RECQL: variants seen among roughly 807,000 people sequenced by gnomAD.
The protein encoded by RECQL is RecQ like helicase, also known as ATP-dependent DNA helicase Q1.
RECQL carries 73 observed loss-of-function variants against 75.8 expected under a neutral mutation model. That is an observed-to-expected ratio of 0.96 (90% CI 0.80 to 1.17). The LOEUF (loss-of-function observed/expected upper bound fraction) is 1.17, where lower values mean the gene tolerates loss of function less well. Ranked by LOEUF, RECQL falls within the 50% of genes most tolerant of loss-of-function variation. The pLI, the probability that RECQL is intolerant of heterozygous loss-of-function variation, is 0.00. For missense variants in RECQL, 699 were observed against 772.1 expected (o/e 0.91, Z 1.12); for synonymous variants, 248 against 254.4 (o/e 0.97, Z 0.24).
At chr12:21,475,854 A>G in intron 8 of RECQL, 30 bp from the exon 9 acceptor site, 1 of 1,565,616 alleles carries the variant, frequency 6.4e-7, no homozygotes, top group Non-Finnish European at 8.8e-7. Context: ...TTTGTTAGAT[A>G]GATATGGCAT....
chr12:21,473,518 A>C, intron 12 of RECQL, 33 bp downstream of exon 12: 2 of 1,498,284 alleles, frequency 1.3e-6, no homozygotes, highest in Non-Finnish European at 1.9e-6. Flanking sequence ...TGACTGTATT[A>C]GCCTATAAAG....
intron 7 of RECQL, 111 bp from the exon 8 acceptor site, chr12:21,477,103 T>C: frequency 3.1e-6 from 2 of 654,126 alleles, no homozygotes; most frequent in Non-Finnish European, 4.9e-6. Flanking sequence ...TTTTTTTTCC[T>C]ATTACTCTTT....
chr12:21,473,835 AC>A (rs938994432), intron 11 of RECQL, among the ~76,000 whole-genome samples, 193 bp from the exon 12 acceptor site: 8 of 152,118 alleles, frequency 5.3e-5, no homozygotes, highest in African/African-American at 1.9e-4. Flanking sequence ...TATGGGTTTC[AC>A]TGGATCAAAA....
chr12:21,483,952 A>G (rs944110058), intron 5 of RECQL, among the ~76,000 whole-genome samples: 10 of 152,156 alleles, frequency 6.6e-5, no homozygotes, highest in African/African-American at 1.7e-4. Context: ...GGTTTTATTA[A>G]TTTTAACATT....
At chr12:21,485,845 T>G (rs1943285619) in intron 5 of RECQL, among the ~76,000 whole-genome samples, 1 of 152,180 alleles carries the variant, frequency 6.6e-6, no homozygotes. Context: ...TCTCTCCTTT[T>G]GAAGATTTCA....
chr12:21,491,522 C>A lies in RECQL; in HGVS notation c.211G>T (p.Glu71Ter). 41 of 1,508,770 alleles carry A rather than the reference C, an allele frequency of 2.7e-5. No individual in the cohort carries two copies. The highest frequency in any genetic ancestry group is 3.1e-5 in the Non-Finnish European group (35 of 1,113,776). 93.5% of individuals were successfully genotyped at this position (1,508,770 alleles called of 1,614,324 possible). The change falls in exon 3 of 15, where the codon GAA becomes TAA. Residue 71 changes from glutamate (E) to a stop codon, truncating the protein, a stop_gained. Transcript: ENST00000444129. LOFTEE classifies it high-confidence loss of function. Reference sequence around the variant, plus strand: ...AAAAAAAAAAAAAAAAGTTAACCTTCTTTATTCCAAGCGGCAGGTGAAGAA... The same window carrying A: ...AAAAAAAAAAAAAAAAGTTAACCTTATTTATTCCAAGCGGCAGGTGAAGAA... ...YDSSPAAWNK[E>*]DFPWSGKVKD... is the part of the protein sequence containing the mutation.
intron 4 of RECQL, among the ~76,000 whole-genome samples, chr12:21,487,517 T>C (rs1943328475): frequency 6.6e-6 from 1 of 152,210 alleles, no homozygotes; most frequent in Non-Finnish European, 1.5e-5. Context: ...CTGTAGTTTG[T>C]TTCTTAAAAC....
chr12:21,487,074 T>C (rs943415347), intron 4 of RECQL, among the ~76,000 whole-genome samples: 4 of 141,276 alleles, frequency 2.8e-5, no homozygotes, highest in African/African-American at 1.1e-4. Context: ...TAGATATGAA[T>C]AAATGACCAA....
Position 21,483,501 on chromosome 12 carries a change from T to A in RECQL, c.575A>T (p.Glu192Val). ...SELKLIYVTP[E>V]KIAKSKMFMS... The stretch of plus-strand genomic sequence containing the variant: ...AAACATTTTGCTTTTTGCAATTTTC[T>A]CTGGAGTCACATAAATCAGCTTTAA... Residue 192 changes from glutamate (E) to valine (V), a missense_variant, in exon 6 of 15, where the codon GAG becomes GTG. Coordinates refer to ENST00000444129, the MANE Select transcript of RECQL (RefSeq NM_002907.4). 1 of 1,589,134 alleles carries A rather than the reference T, an allele frequency of 6.3e-7. No individual in the cohort carries two copies. The highest frequency in any genetic ancestry group is 8.5e-7 in the Non-Finnish European group (1 of 1,173,344).
intron 12 of RECQL, among the ~76,000 whole-genome samples, chr12:21,472,726 C>A (rs1383730938): frequency 6.6e-6 from 1 of 151,930 alleles, no homozygotes; most frequent in Non-Finnish European, 1.5e-5. Flanking sequence ...GGGTTGTGAC[C>A]AATGCTCAGA....
chr12:21,494,441 G>A (rs779046138), intron 2 of RECQL, among the ~76,000 whole-genome samples: 1 of 152,126 alleles, frequency 6.6e-6, no homozygotes. Context: ...TTATTGATAC[G>A]GGCTCACTAA....
At chr12:21,498,771 C>A (rs1260960425) in intron 2 of RECQL, among the ~76,000 whole-genome samples, 1 of 151,884 alleles carries the variant, frequency 6.6e-6, no homozygotes, top group Non-Finnish European at 1.5e-5. Context: ...GCAAGTAGTC[C>A]CCACCAAGCA....
At chr12:21,485,699 G>A (rs1296485800) in intron 5 of RECQL, among the ~76,000 whole-genome samples, 1 of 151,932 alleles carries the variant, frequency 6.6e-6, no homozygotes, top group African/African-American at 2.4e-5. Context: ...ATGATGTCTG[G>A]AATTTGTTCT....
chr12:21,483,334 G>A (rs995921402), intron 6 of RECQL, 42 bp downstream of exon 6: 13 of 1,313,708 alleles, frequency 9.9e-6, no homozygotes, highest in Admixed American at 2.0e-5. Flanking sequence ...GTAAGGACAC[G>A]GTCTATGACA....
At position 21,469,225 on chromosome 12, in the gene RECQL, T is replaced by A. The variant is rs1942865062; in HGVS notation, c.*969A>T. The stretch of plus-strand genomic sequence containing the variant: ...TTTATATTGATGACTTACTCCTTTT[T>A]TGTTGAATTGTACTTCTGGTTTTAT... On this transcript the variant is annotated 3_prime_UTR_variant, in exon 15 of 15. Transcript: ENST00000444129. 6.3e-6 allele frequency: 1 copy of A among 157,494 alleles called. No individual in the cohort carries two copies. The highest frequency in any genetic ancestry group is 2.4e-5 in the African/African-American group (1 of 41,436). 9.8% of individuals were successfully genotyped at this position (157,494 alleles called of 1,614,324 possible).
At chr12:21,499,435 C>T in intron 2 of RECQL, 120 bp downstream of exon 2, 1 of 924,604 alleles carries the variant, frequency 1.1e-6, no homozygotes. Flanking sequence ...TATTTTACTT[C>T]AATAAAAAAG....
chr12:21,490,775 G>A (rs1943396833), intron 3 of RECQL, among the ~76,000 whole-genome samples: 1 of 152,102 alleles, frequency 6.6e-6, no homozygotes, highest in South Asian at 2.1e-4. Context: ...GATTGCTTGA[G>A]GCTGGGAGTT....
intron 14 of RECQL, chr12:21,470,758 A>G: frequency 2.7e-6 from 1 of 368,552 alleles, no homozygotes; most frequent in East Asian, 4.5e-5. Context: ...GAAACTGGAA[A>G]CCCCTAGTTT....
At chr12:21,471,257 C>T (rs1942952175) in intron 13 of RECQL, 159 bp from the exon 14 acceptor site, 15 of 991,876 alleles carry the variant, frequency 1.5e-5, no homozygotes, top group South Asian at 4.0e-5. Flanking sequence ...AAAATATTTT[C>T]GTTACTTTTT....
Sources: allele counts gnomAD v4.1 joint callset (sites outside exome capture counted in the v4.1 genomes callset), GRCh38; gene constraint gnomAD v4.1.1; transcripts MANE v1.5; gene names NCBI Gene and HGNC (gene_info 2026-07-23, HGNC 2026-07-21).